Variants in CBX3 observed in about 807,000 individuals in gnomAD.
CBX3 encodes chromobox 3, also known as chromobox protein homolog 3.
In CBX3, 5 loss-of-function variants were observed where a neutral mutation model predicts 22.6. The observed-to-expected ratio is 0.22, with a 90% confidence interval of 0.12 to 0.47. The LOEUF is 0.47. CBX3 is among the 20% of genes least tolerant of loss of function. The pLI, the probability that CBX3 is intolerant of heterozygous loss-of-function variation, is 0.99. For missense variants in CBX3, 83 were observed against 208.1 expected (o/e 0.40, Z 3.70); for synonymous variants, 50 against 66.6 (o/e 0.75, Z 1.21).
intron 2 of CBX3, among the ~76,000 whole-genome samples, chr7:26,205,012 C>T (rs1784642422): frequency 6.6e-6 from 1 of 152,188 alleles, no homozygotes; most frequent in Non-Finnish European, 1.5e-5. Flanking sequence ...TGGTCTCAAA[C>T]TCCTGACCTC....
intron 4 of CBX3, among the ~76,000 whole-genome samples, chr7:26,208,910 G>A (rs970669936): frequency 3.9e-5 from 4 of 103,456 alleles, no homozygotes; most frequent in African/African-American, 1.6e-4. Flanking sequence ...GAGCCACCAC[G>A]CCTGGCCTTT....
chr7:26,202,935 A>T, intron 1 of CBX3, 36 bp from the exon 2 acceptor site: 1 of 1,335,352 alleles, frequency 7.5e-7, no homozygotes, highest in Non-Finnish European at 1.1e-6. Flanking sequence ...TTTTTGTGTC[A>T]TGCAAACTTA....
intron 2 of CBX3, among the ~76,000 whole-genome samples, chr7:26,204,922 T>C (rs1784640350): frequency 6.6e-6 from 1 of 152,216 alleles, no homozygotes; most frequent in South Asian, 2.1e-4. Context: ...CCCAAGTAGC[T>C]GGGATTACAG....
At chr7:26,209,442 A>G (rs7793849) in intron 4 of CBX3, among the ~76,000 whole-genome samples, 4,568 of 152,292 alleles carry the variant, frequency 0.03, 79 homozygotes, top group Middle Eastern at 0.054. Context: ...GCAATCTTAA[A>G]TACAAACAAT....
intron 2 of CBX3, among the ~76,000 whole-genome samples, chr7:26,205,194 CAT>C (rs1263314838): frequency 6.6e-6 from 1 of 152,128 alleles, no homozygotes; most frequent in Non-Finnish European, 1.5e-5. Context: ...TTAATCCTCT[CAT>C]AAAAATTTTC....
intron 3 of CBX3, 68 bp from the exon 4 acceptor site, chr7:26,208,325 A>G (rs1784726932): frequency 7.8e-7 from 1 of 1,285,238 alleles, no homozygotes; most frequent in Non-Finnish European, 1.1e-6. Context: ...ATTAAAATAG[A>G]TCTGGATAAT....
intron 2 of CBX3, among the ~76,000 whole-genome samples, chr7:26,204,604 C>G (rs1341338824): frequency 6.6e-6 from 1 of 152,018 alleles, no homozygotes; most frequent in African/African-American, 2.4e-5. Flanking sequence ...CTTGAAATGC[C>G]CTTTTGCAGT....
chr7:26,209,016 G>A (rs1322056716), intron 4 of CBX3, among the ~76,000 whole-genome samples: 1 of 128,290 alleles, frequency 7.8e-6, no homozygotes, highest in African/African-American at 3.0e-5. Flanking sequence ...TCGGCTCACT[G>A]CAACCTCCGC....
At chr7:26,208,177 C>G (rs369270627) in intron 3 of CBX3, 8 of 362,954 alleles carry the variant, frequency 2.2e-5, no homozygotes, top group African/African-American at 1.6e-4. Context: ...AGCTATGATT[C>G]CACTACTGCA....
chr7:26,208,251 T>C (rs929787637), intron 3 of CBX3, 142 bp from the exon 4 acceptor site: 2 of 557,422 alleles, frequency 3.6e-6, no homozygotes, highest in South Asian at 3.7e-5. Flanking sequence ...GGTGGGGTAA[T>C]GTAGGGAAGG....
At chr7:26,205,960 C>G in intron 2 of CBX3, 1 of 155,704 alleles carries the variant, frequency 6.4e-6, no homozygotes, top group South Asian at 1.9e-4. Flanking sequence ...ATGGTGGCAT[C>G]CGCCTATAAT....
Position 26,208,401 on chromosome 7 carries a change from A to G in CBX3, c.176A>G (p.Asn59Ser), listed in dbSNP as rs1784729061. Residue 59 changes from asparagine (N) to serine (S), a missense_variant, in exon 4 of 6, where the codon AAT becomes AGT. Physicochemically the swap from Asn to Ser is conservative, Grantham distance 46. Around this residue, in one of 3 missense-constraint regions of CBX3, gnomAD observed 59 missense variants for 155.0 expected, o/e 0.38. Coordinates refer to ENST00000396386, the MANE Select transcript of CBX3 (RefSeq NM_016587.4). ...TAATAAACTAAACACAGTGCTGACA[A>G]TACTTGGGAACCTGAAGAAAATTTA... is the stretch of plus-strand genomic sequence containing the variant. ...LKWKGFTDAD[N>S]TWEPEENLDC... The G allele has an allele frequency of 6.8e-6, 11 of 1,609,224 alleles. No homozygotes were observed. The highest frequency in any genetic ancestry group is 2.2e-5 in the East Asian group (1 of 44,804).
At chr7:26,210,136 A>G (rs1784771597) in intron 4 of CBX3, 1 of 152,080 alleles carries the variant, frequency 6.6e-6, no homozygotes. Flanking sequence ...CAAAGAAAAA[A>G]AAAAGAATCA....
At position 26,203,031 on chromosome 7, in the gene CBX3, A is replaced by T; in HGVS notation, c.24+9A>T. Reference sequence around the variant, plus strand: ...CCAACAAAACTACATTGGTAAGTTAATGAAAACCTAAAATATGTAAGGATT... The same window carrying T: ...CCAACAAAACTACATTGGTAAGTTATTGAAAACCTAAAATATGTAAGGATT... On this transcript the variant is annotated intron_variant, in intron 2 of 5. Coordinates refer to ENST00000396386, the MANE Select transcript of CBX3 (RefSeq NM_016587.4). 6.6e-7 allele frequency: 1 copy of T among 1,503,900 alleles called. No homozygotes were observed. The highest frequency in any genetic ancestry group is 9.0e-7 in the Non-Finnish European group (1 of 1,115,942). The allele number at this position is 1,503,900 out of a possible 1,614,324, so 93.2% of individuals were successfully genotyped here.
chr7:26,208,850 C>T (rs1031855646), intron 4 of CBX3, among the ~76,000 whole-genome samples: 1 of 149,052 alleles, frequency 6.7e-6, no homozygotes. Context: ...GAACTCCTGA[C>T]CTCATGATCC....
chr7:26,206,558 T>A, intron 3 of CBX3, 48 bp downstream of exon 3: 1 of 1,582,444 alleles, frequency 6.3e-7, no homozygotes, highest in Non-Finnish European at 8.6e-7. Context: ...TGCAGCTAAG[T>A]GGTTTTAGAA....
chr7:26,202,610 G>A (rs996478199), intron 1 of CBX3: 2 of 235,066 alleles, frequency 8.5e-6, no homozygotes, highest in Admixed American at 1.2e-4. Flanking sequence ...CTTTACCGTT[G>A]TGAGTTGTTT....
At chr7:26,204,287 G>C (rs1784624081) in intron 2 of CBX3, among the ~76,000 whole-genome samples, 1 of 150,088 alleles carries the variant, frequency 6.7e-6, no homozygotes, top group Non-Finnish European at 1.5e-5. Flanking sequence ...ATTTATTGTT[G>C]ACTTTATTTT....
chr7:26,202,902 A>G (rs377022941), intron 1 of CBX3, 69 bp from the exon 2 acceptor site: 1 of 978,308 alleles, frequency 1.0e-6, no homozygotes, highest in Non-Finnish European at 1.6e-6. Flanking sequence ...TGGAATCCAA[A>G]CAGAATTTGT....
Sources: gnomAD v4.1 joint callset for allele counts (sites outside exome capture counted in the v4.1 genomes callset) on GRCh38, gnomAD v4.1.1 for gene constraint, gnomAD v4.1.1 regional missense constraint, MANE v1.5 for transcripts, NCBI Gene and HGNC (gene_info 2026-07-23, HGNC 2026-07-21) for gene names.